Variants in NAV3 observed in about 807,000 individuals in gnomAD.
The protein encoded by NAV3 is neuron navigator 3.
Under a neutral mutation model 244.7 loss-of-function variants are expected in NAV3, and 87 were observed. The observed-to-expected ratio is 0.36, with a 90% CI of 0.30 to 0.42. The LOEUF (loss-of-function observed/expected upper bound fraction) is 0.42, where lower values mean the gene tolerates loss of function less well. Ranked by LOEUF, NAV3 falls within the 20% of genes least tolerant of loss-of-function variation. The pLI, the probability that NAV3 is intolerant of heterozygous loss-of-function variation, is 1.00. For synonymous variants in NAV3, 1,126 were observed against 1,042.2 expected (o/e 1.08, Z -1.55); for missense variants, 2,663 against 2,893.3 (o/e 0.92, Z 1.83).
chr12:77,898,633 A>G (rs1884910500), intron 1 of NAV3, among the ~76,000 whole-genome samples: 1 of 152,226 alleles, frequency 6.6e-6, no homozygotes, highest in South Asian at 2.1e-4. Context: ...TGAGGAACAC[A>G]GATAAAATCA....
chr12:77,593,391 C>A lies in NAV3; in HGVS notation c.72+21125C>A, dbSNP rs147744236. Among the ~76,000 whole-genome samples, 214 of 151,652 alleles carry A rather than the reference C, an allele frequency of 1.4e-3. 1 individual carries two copies. Among genetic ancestry groups the A allele is most frequent in the African/African-American group, 5.0e-3 (208 of 41,376 alleles). On this transcript the variant is annotated intron_variant, in intron 2 of 8. Coordinates refer to the NAV3 transcript ENST00000550042. ...CTCTCTCCCCTTGTTCTCTCCCTGTCTTTCTCTCTTCCAAACAGCCAAAGT... is the reference window on the plus strand; with the variant it reads ...CTCTCTCCCCTTGTTCTCTCCCTGTATTTCTCTCTTCCAAACAGCCAAAGT...
intron 34 of NAV3, among the ~76,000 whole-genome samples, chr12:78,194,849 A>G (rs551196699): frequency 6.6e-6 from 1 of 152,062 alleles, no homozygotes; most frequent in East Asian, 1.9e-4. Context: ...GCATCAAGGT[A>G]TTACCCAATC....
chr12:78,097,984 T>A (rs891228293), intron 12 of NAV3, among the ~76,000 whole-genome samples: 3 of 152,152 alleles, frequency 2.0e-5, no homozygotes, highest in African/African-American at 7.2e-5. Context: ...CTGTGATTGC[T>A]ATTTATTAAG....
chr12:78,117,042 C>A, intron 13 of NAV3, 138 bp downstream of exon 13: 1 of 954,560 alleles, frequency 1.0e-6, no homozygotes, highest in Non-Finnish European at 1.5e-6. Context: ...ATAATAAGGA[C>A]TCCCTTTGCC....
intron 1 of NAV3, among the ~76,000 whole-genome samples, chr12:77,870,409 T>C (rs1466782172): frequency 1.3e-5 from 2 of 151,358 alleles, no homozygotes; most frequent in Non-Finnish European, 2.9e-5. Context: ...GCTACATCTC[T>C]AAAATTTCAA....
At chr12:77,729,493 A>T (rs983827048) in intron 2 of NAV3, among the ~76,000 whole-genome samples, 3 of 152,018 alleles carry the variant, frequency 2.0e-5, no homozygotes, top group Non-Finnish European at 4.4e-5. Context: ...AAGGCATGGG[A>T]AAAGGAGGAA....
intron 30 of NAV3, among the ~76,000 whole-genome samples, chr12:78,184,313 G>C: frequency 6.6e-6 from 1 of 151,762 alleles, no homozygotes; most frequent in Non-Finnish European, 1.5e-5. Flanking sequence ...CAAACTACCA[G>C]AAGTCTAGAT....
At chr12:77,845,302 G>A (rs115125204) in intron 1 of NAV3, among the ~76,000 whole-genome samples, 1,752 of 152,234 alleles carry the variant, frequency 0.012, 27 homozygotes, top group African/African-American at 0.04. Flanking sequence ...TTAGATTGGG[G>A]CTCAGTGCAG....
At chr12:77,821,856 C>A (rs1872757926) in intron 2 of NAV3, among the ~76,000 whole-genome samples, 1 of 152,116 alleles carries the variant, frequency 6.6e-6, no homozygotes, top group Non-Finnish European at 1.5e-5. Context: ...CATATTCCAA[C>A]AAGAATAGTT....
intron 2 of NAV3, among the ~76,000 whole-genome samples, chr12:77,786,071 A>G (rs1270306261): frequency 2.6e-5 from 4 of 152,184 alleles, no homozygotes; most frequent in Non-Finnish European, 5.9e-5. Flanking sequence ...TGGGGAGCCC[A>G]TGAAGTCTTT....
At chr12:78,137,132 C>A in intron 18 of NAV3, 45 bp from the exon 19 acceptor site, 1 of 1,531,962 alleles carries the variant, frequency 6.5e-7, no homozygotes, top group Non-Finnish European at 8.8e-7. Context: ...CTATTTTCAT[C>A]TTTCAAGCTT....
chr12:78,045,301 CT>C (rs201402199), intron 9 of NAV3, among the ~76,000 whole-genome samples: 23 of 151,102 alleles, frequency 1.5e-4, no homozygotes, highest in East Asian at 1.2e-3. Context: ...GGTGGATAAG[CT>C]TTTTTTTTGT....
intron 3 of NAV3, among the ~76,000 whole-genome samples, chr12:77,959,907 C>A: frequency 1.2e-5 from 1 of 82,390 alleles, no homozygotes; most frequent in Non-Finnish European, 2.2e-5. Flanking sequence ...TCCTCCCTGA[C>A]CCGACAAAAA....
chr12:77,690,892 T>C (rs905041717), intron 2 of NAV3, among the ~76,000 whole-genome samples: 4 of 150,928 alleles, frequency 2.7e-5, no homozygotes, highest in Admixed American at 6.6e-5. Context: ...AAGTTTCTGA[T>C]TCTTTAGTTT....
At chr12:77,636,294 G>A (rs146018704) in intron 2 of NAV3, among the ~76,000 whole-genome samples, 3,768 of 151,770 alleles carry the variant, frequency 0.025, 59 homozygotes, top group Middle Eastern at 0.082. Context: ...GCAAAACCCT[G>A]GCTCTACCAA....
chr12:77,758,007 T>G (rs1008476158), intron 2 of NAV3, among the ~76,000 whole-genome samples: 2 of 152,328 alleles, frequency 1.3e-5, no homozygotes, highest in South Asian at 2.1e-4. Context: ...TTACTTTGCT[T>G]CAACTACCTT....
intron 2 of NAV3, among the ~76,000 whole-genome samples, chr12:77,669,674 C>G (rs1026820866): frequency 6.6e-6 from 1 of 152,128 alleles, no homozygotes; most frequent in East Asian, 1.9e-4. Flanking sequence ...ATATATGCAC[C>G]TAACACTAGA....
chr12:77,631,419 A>T (rs2136918645), intron 2 of NAV3, among the ~76,000 whole-genome samples: 1 of 152,204 alleles, frequency 6.6e-6, no homozygotes, highest in South Asian at 2.1e-4. Flanking sequence ...GTGTTGCTTT[A>T]ATTTGTAAAA....
At chr12:77,807,978 C>G (rs1370403908) in intron 2 of NAV3, among the ~76,000 whole-genome samples, 1 of 152,092 alleles carries the variant, frequency 6.6e-6, no homozygotes, top group Non-Finnish European at 1.5e-5. Flanking sequence ...GCTATTGATA[C>G]ATGTATATGC....
Sources: gnomAD v4.1 joint callset for allele counts (sites outside exome capture counted in the v4.1 genomes callset) on GRCh38, gnomAD v4.1.1 for gene constraint, MANE v1.5 for transcripts, NCBI Gene and HGNC (gene_info 2026-07-23, HGNC 2026-07-21) for gene names.